The following HSDL2 variants were observed in gnomAD, a reference collection of about 807,000 sequenced individuals.
The protein encoded by HSDL2 is hydroxysteroid dehydrogenase-like protein 2.
HSDL2 carries 27 observed loss-of-function variants against 46.3 expected under a neutral mutation model. The ratio of observed to expected loss-of-function variants is 0.58; its 90% confidence interval spans 0.43 to 0.80. HSDL2 has a LOEUF of 0.80. Among genes scored for constraint, HSDL2 ranks in the 30% least tolerant of loss-of-function variants. The probability of loss-of-function intolerance (pLI) is 0.00; values close to 1 mark genes in which losing one functional copy is unlikely to be tolerated. For missense variants in HSDL2, 451 were observed against 502.7 expected (o/e 0.90, Z 0.98); for synonymous variants, 153 against 163.6 (o/e 0.94, Z 0.50).
intron 8 of HSDL2, among the ~76,000 whole-genome samples, chr9:112,442,740 C>G (rs1444372825): frequency 1.3e-5 from 2 of 151,930 alleles, no homozygotes; most frequent in African/African-American, 4.8e-5. Flanking sequence ...CTATGACTCT[C>G]ATCGATTTTT....
intron 6 of HSDL2, among the ~76,000 whole-genome samples, chr9:112,426,956 A>G (rs1339349430): frequency 6.6e-6 from 1 of 152,162 alleles, no homozygotes; most frequent in Non-Finnish European, 1.5e-5. Context: ...ATTTCACCAC[A>G]TGGCCAATCT....
At chr9:112,432,130 C>G (rs1412185194) in intron 6 of HSDL2, among the ~76,000 whole-genome samples, 1 of 152,138 alleles carries the variant, frequency 6.6e-6, no homozygotes, top group African/African-American at 2.4e-5. Flanking sequence ...GATCCACCCA[C>G]CTAGGCCTCC....
At chr9:112,384,313 TC>T (rs1208736767) in intron 1 of HSDL2, among the ~76,000 whole-genome samples, 2 of 152,188 alleles carry the variant, frequency 1.3e-5, no homozygotes, top group Non-Finnish European at 2.9e-5. Flanking sequence ...TTTGAAGTGC[TC>T]TTGCCTTCTA....
At chr9:112,414,336 G>GTC (rs1212527467) in intron 4 of HSDL2, among the ~76,000 whole-genome samples, 1 of 152,122 alleles carries the variant, frequency 6.6e-6, no homozygotes, top group Non-Finnish European at 1.5e-5. Flanking sequence ...TGCCTTACAG[G>GTC]TCTTTGAGTT....
chr9:112,412,368 A>C (rs10981397), intron 4 of HSDL2, among the ~76,000 whole-genome samples: 42,167 of 152,020 alleles, frequency 0.28, 6,010 homozygotes, highest in Middle Eastern at 0.39. Context: ...ATTTATCAAA[A>C]CTAGTAATCA....
intron 5 of HSDL2, among the ~76,000 whole-genome samples, chr9:112,417,165 TG>T (rs1554711056): frequency 6.6e-6 from 1 of 152,202 alleles, no homozygotes; most frequent in Non-Finnish European, 1.5e-5. Flanking sequence ...CAGCTCTTAA[TG>T]GTTCAGTTTG....
intron 1 of HSDL2, among the ~76,000 whole-genome samples, chr9:112,381,053 C>G (rs996839957): frequency 4.0e-5 from 6 of 148,730 alleles, no homozygotes; most frequent in African/African-American, 1.5e-4. Flanking sequence ...GTTTCTATTT[C>G]GTGCATGTAT....
In HSDL2 at chr9:112,470,524, C is replaced by T. The variant is rs1833547535; in HGVS notation, c.1237C>T (p.Gln413Ter). 6.3e-7 allele frequency: 1 copy of T among 1,598,366 alleles called. No homozygotes were observed. The highest frequency in any genetic ancestry group is 8.6e-7 in the Non-Finnish European group (1 of 1,167,186). ...AATCAAATTGGAGAAGCTAATGAAT[C>T]AGATGAATGCCAGACTGTGAAGGAA... is the stretch of plus-strand genomic sequence containing the variant. ...LAIKLEKLMNQMNARL is the reference protein window; with the variant it reads ...LAIKLEKLMN The change falls in exon 11 of 11, where the codon CAG becomes TAG. Residue 413 changes from glutamine (Q) to a stop codon, truncating the protein, a stop_gained. Coordinates refer to ENST00000398805, the MANE Select transcript of HSDL2 (RefSeq NM_032303.5). LOFTEE classifies it high-confidence loss of function.
chr9:112,449,495 T>C (rs974609748), intron 8 of HSDL2, among the ~76,000 whole-genome samples: 1 of 152,234 alleles, frequency 6.6e-6, no homozygotes, highest in African/African-American at 2.4e-5. Context: ...ATTTCATTTT[T>C]AATTCTACAG....
intron 8 of HSDL2, among the ~76,000 whole-genome samples, chr9:112,442,305 T>C (rs1459195414): frequency 6.6e-6 from 1 of 150,758 alleles, no homozygotes; most frequent in Non-Finnish European, 1.5e-5. Context: ...GAAGAAGTTA[T>C]TAATATATTC....
chr9:112,458,325 T>C lies in HSDL2; in HGVS notation c.1016-1124T>C, dbSNP rs1159242890. On this transcript the variant is annotated intron_variant, in intron 9 of 10. Coordinates refer to ENST00000398805, the MANE Select transcript of HSDL2 (RefSeq NM_032303.5). ...TAACATTTTAACCACTTCTTCTTTT[T>C]TTTTTTTTTTTCTTTTGAGACGGAG... Among the ~76,000 whole-genome samples the C allele has an allele frequency of 7.9e-5, 12 of 151,834 alleles. No individual in the cohort carries two copies. The East Asian group carries it at 1.2e-3, about 15-fold the overall frequency.
chr9:112,427,597 T>A (rs1262435077), intron 6 of HSDL2, among the ~76,000 whole-genome samples: 2 of 152,232 alleles, frequency 1.3e-5, no homozygotes, highest in Non-Finnish European at 2.9e-5. Context: ...ACATTGCATT[T>A]GTTTGATAAG....
chr9:112,444,449 C>T (rs553343226), intron 8 of HSDL2, among the ~76,000 whole-genome samples: 4 of 151,692 alleles, frequency 2.6e-5, no homozygotes, highest in Non-Finnish European at 5.9e-5. Flanking sequence ...ATCTTAAAAG[C>T]AATATCAACC....
At chr9:112,411,338 G>T (rs1304681658) in intron 4 of HSDL2, among the ~76,000 whole-genome samples, 1 of 152,188 alleles carries the variant, frequency 6.6e-6, no homozygotes, top group Non-Finnish European at 1.5e-5. Flanking sequence ...TGTAAGGTAG[G>T]TCTCTATTGA....
chr9:112,417,420 T>TG (rs1046395218), intron 5 of HSDL2, among the ~76,000 whole-genome samples: 2 of 147,632 alleles, frequency 1.4e-5, no homozygotes, highest in Admixed American at 6.9e-5. Context: ...GAGGCTGCAG[T>TG]GAGCTAGGAT....
At chr9:112,430,083 C>CA (rs112160941) in intron 6 of HSDL2, among the ~76,000 whole-genome samples, 399 of 137,286 alleles carry the variant, frequency 2.9e-3, no homozygotes, top group East Asian at 0.019. Context: ...AACCCTATCT[C>CA]AAAAAAAAAA....
At chr9:112,436,960 C>CTTTT (rs780957603) in intron 6 of HSDL2, among the ~76,000 whole-genome samples, 2,266 of 126,694 alleles carry the variant, frequency 0.018, 89 homozygotes, top group African/African-American at 0.037. Flanking sequence ...TTCTTTTTTT[C>CTTTT]TTTTTTTTTT....
intron 2 of HSDL2, among the ~76,000 whole-genome samples, chr9:112,404,515 C>T (rs933621064): frequency 1.1e-4 from 16 of 151,266 alleles, no homozygotes; most frequent in Non-Finnish European, 1.9e-4. Context: ...GCTTGGGTGA[C>T]AGAGCGAGAC....
intron 1 of HSDL2, among the ~76,000 whole-genome samples, chr9:112,395,292 G>A (rs1017248837): frequency 6.6e-6 from 1 of 152,114 alleles, no homozygotes; most frequent in East Asian, 1.9e-4. Flanking sequence ...TCTCTGACGC[G>A]GACATCTCTT....
Sources: gnomAD v4.1 joint callset for allele counts (sites outside exome capture counted in the v4.1 genomes callset) on GRCh38, gnomAD v4.1.1 for gene constraint, MANE v1.5 for transcripts, NCBI Gene and HGNC (gene_info 2026-07-23, HGNC 2026-07-21) for gene names.